Variants in PSMA1 observed in about 807,000 individuals in gnomAD.
The protein encoded by PSMA1 is proteasome 20S subunit alpha 1.
In PSMA1, 3 loss-of-function variants were observed where a neutral mutation model predicts 38.4. The observed-to-expected ratio is 0.08, with a 90% CI of 0.04 to 0.20. The LOEUF (loss-of-function observed/expected upper bound fraction) is 0.20, where lower values mean the gene tolerates loss of function less well. Ranked by LOEUF, PSMA1 falls within the 10% of genes least tolerant of loss-of-function variation. PSMA1 has a pLI of 1.00. For missense variants in PSMA1, 227 were observed against 325.3 expected, an observed-to-expected ratio of 0.70 and a Z score of 2.32; for synonymous variants, 101 against 107.1, an observed-to-expected ratio of 0.94 and a Z score of 0.35.
intron 2 of PSMA1, among the ~76,000 whole-genome samples, chr11:14,546,962 AGGTGCTAATATACACAT>A (rs1379170649): frequency 6.6e-6 from 1 of 152,346 alleles, no homozygotes; most frequent in Middle Eastern, 3.4e-3. Context: ...TTAAATAGAC[AGGTGCTAATATACACAT>A]GGTGACTAAG....
chr11:14,576,392 C>G (rs942237575), intron 2 of PSMA1, among the ~76,000 whole-genome samples: 1 of 152,118 alleles, frequency 6.6e-6, no homozygotes, highest in African/African-American at 2.4e-5. Flanking sequence ...AGGTTTTCTT[C>G]TAGGGTTTTT....
At chr11:14,627,662 T>C (rs1196217242) in intron 1 of PSMA1, among the ~76,000 whole-genome samples, 1 of 152,230 alleles carries the variant, frequency 6.6e-6, no homozygotes, top group Non-Finnish European at 1.5e-5. Flanking sequence ...TTATTTCTAC[T>C]GGCAGATTGT....
intron 2 of PSMA1, among the ~76,000 whole-genome samples, chr11:14,606,974 G>A (rs1458208407): frequency 6.6e-6 from 1 of 152,190 alleles, no homozygotes; most frequent in Non-Finnish European, 1.5e-5. Flanking sequence ...CCCTGTGCAG[G>A]AGCCTGCCCC....
At chr11:14,560,684 T>C (rs1851998176) in intron 2 of PSMA1, among the ~76,000 whole-genome samples, 1 of 152,232 alleles carries the variant, frequency 6.6e-6, no homozygotes, top group Admixed American at 6.5e-5. Flanking sequence ...TTCCCAGACT[T>C]ATGTGTTGTA....
chr11:14,558,539 T>A (rs1851968496), intron 2 of PSMA1, among the ~76,000 whole-genome samples: 3 of 152,262 alleles, frequency 2.0e-5, no homozygotes, highest in Admixed American at 2.0e-4. Context: ...TAGTTCCCTC[T>A]ACTGACCCAA....
intron 2 of PSMA1, 82 bp from the exon 3 acceptor site, chr11:14,518,063 G>A: frequency 9.9e-7 from 1 of 1,005,580 alleles, no homozygotes; most frequent in Non-Finnish European, 1.4e-6. Context: ...TATCAGGTGA[G>A]CACAGTTAAA....
At chr11:14,614,397 GAA>G (rs965435401) in intron 1 of PSMA1, among the ~76,000 whole-genome samples, 1 of 146,698 alleles carries the variant, frequency 6.8e-6, no homozygotes. Context: ...CATATAAGCT[GAA>G]AAAAAAAACC....
At chr11:14,631,345 C>A (rs1394219443) in intron 1 of PSMA1, among the ~76,000 whole-genome samples, 1 of 152,046 alleles carries the variant, frequency 6.6e-6, no homozygotes, top group Non-Finnish European at 1.5e-5. Flanking sequence ...GAATGTGTCC[C>A]AGAGATTCTG....
At chr11:14,519,245 A>G (rs1851485065) in intron 1 of PSMA1, 1 of 629,514 alleles carries the variant, frequency 1.6e-6, no homozygotes, top group South Asian at 1.5e-5. Flanking sequence ...AAGCAGATCT[A>G]AATGGGTCCT....
intron 2 of PSMA1, among the ~76,000 whole-genome samples, chr11:14,553,200 T>C (rs1421205795): frequency 1.3e-5 from 2 of 152,158 alleles, no homozygotes; most frequent in Non-Finnish European, 2.9e-5. Context: ...AGGAAATTCA[T>C]AGTACAGGGA....
chr11:14,582,926 C>T (rs1006391537), intron 2 of PSMA1, among the ~76,000 whole-genome samples: 6 of 152,136 alleles, frequency 3.9e-5, no homozygotes, highest in African/African-American at 1.4e-4. Flanking sequence ...TCTGGAGAAC[C>T]CTGGGTCTTG....
chr11:14,578,625 C>T (rs1217815624), intron 2 of PSMA1, among the ~76,000 whole-genome samples: 1 of 152,116 alleles, frequency 6.6e-6, no homozygotes, highest in African/African-American at 2.4e-5. Context: ...TGGCATGGGT[C>T]CAGGGGAAAA....
chr11:14,624,401 C>A (rs1852886479), intron 1 of PSMA1, among the ~76,000 whole-genome samples: 1 of 152,132 alleles, frequency 6.6e-6, no homozygotes, highest in African/African-American at 2.4e-5. Context: ...TATATGGTAC[C>A]ATGTCATCAG....
At chr11:14,616,162 C>T (rs896281916) in intron 1 of PSMA1, among the ~76,000 whole-genome samples, 21 of 151,628 alleles carry the variant, frequency 1.4e-4, no homozygotes, top group African/African-American at 5.1e-4. Flanking sequence ...AGGGCAACGA[C>T]TGTAAGAACT....
intron 1 of PSMA1, among the ~76,000 whole-genome samples, chr11:14,637,358 T>TGGTAAG (rs1379643385): frequency 6.6e-6 from 1 of 152,236 alleles, no homozygotes; most frequent in East Asian, 1.9e-4. Context: ...CTCCATGTCC[T>TGGTAAG]ATCACTGTAC....
chr11:14,632,295 T>G (rs529808686), intron 1 of PSMA1, among the ~76,000 whole-genome samples: 21 of 149,866 alleles, frequency 1.4e-4, no homozygotes, highest in East Asian at 1.4e-3. Context: ...GATTTTGCAG[T>G]GGCTGGTACC....
chr11:14,568,474 G>A (rs1852099748), intron 2 of PSMA1, among the ~76,000 whole-genome samples: 2 of 152,192 alleles, frequency 1.3e-5, no homozygotes, highest in South Asian at 4.1e-4. Context: ...TTAAATACAT[G>A]TGGCTGACAT....
Position 14,520,320 on chromosome 11 carries a change from T to C in PSMA1, c.-21A>G, listed in dbSNP as rs1415874572. 1 of 1,614,162 alleles carries C rather than the reference T, an allele frequency of 6.2e-7. No individual in the cohort carries two copies. On this transcript the variant is annotated 5_prime_UTR_variant, in exon 1 of 10. Transcript: ENST00000396394. ...ACCATGGTGGCGGCGCGGGCCTGGTTGCGGCCTCCAGCAAAACTGAGAATC... is the reference window on the plus strand; with the variant it reads ...ACCATGGTGGCGGCGCGGGCCTGGTCGCGGCCTCCAGCAAAACTGAGAATC...
At chr11:14,514,820 G>A (rs573310673) in intron 4 of PSMA1, among the ~76,000 whole-genome samples, 6 of 152,276 alleles carry the variant, frequency 3.9e-5, no homozygotes, top group East Asian at 1.9e-4. Context: ...CAAGCTTGTC[G>A]TAATTCTAGA....
Sources: gnomAD v4.1 joint callset for allele counts (sites outside exome capture counted in the v4.1 genomes callset) on GRCh38, gnomAD v4.1.1 for gene constraint, MANE v1.5 for transcripts, NCBI Gene and HGNC (gene_info 2026-07-23, HGNC 2026-07-21) for gene names.